Variants in SHANK2 observed in about 807,000 individuals in gnomAD.
SHANK2 encodes SH3 and multiple ankyrin repeat domains 2.
In SHANK2, 43 loss-of-function variants were observed where a neutral mutation model predicts 133.7. That is an observed-to-expected ratio of 0.32 (90% CI 0.25 to 0.41). SHANK2 has a LOEUF of 0.41. Ranked by LOEUF, SHANK2 falls within the 10% of genes least tolerant of loss-of-function variation. The pLI, the probability that SHANK2 is intolerant of heterozygous loss-of-function variation, is 1.00. For synonymous variants in SHANK2, 1,017 were observed against 952.8 expected (o/e 1.07, Z -1.24); for missense variants, 1,994 against 2,235.8 (o/e 0.89, Z 2.18).
intron 11 of SHANK2, among the ~76,000 whole-genome samples, chr11:70,869,441 T>A (rs780952660): frequency 5.9e-5 from 9 of 152,136 alleles, no homozygotes; most frequent in Non-Finnish European, 1.3e-4. Context: ...ACTCCACACA[T>A]CCCATACCAG....
In SHANK2 at chr11:70,830,273, C is replaced by A. The variant is rs1009424101; in HGVS notation, c.1175-9591G>T. Reference sequence around the variant, plus strand: ...CTGCCCCTCGTTTTATGAGCATGTCCGTGGCCTGAAGCCTGCCCTGCCTGC... The same window carrying A: ...CTGCCCCTCGTTTTATGAGCATGTCAGTGGCCTGAAGCCTGCCCTGCCTGC... On this transcript the variant is annotated intron_variant, in intron 11 of 25. Coordinates refer to ENST00000601538, the MANE Select transcript of SHANK2 (RefSeq NM_012309.5). The surrounding 1 kb of genome is among the most constrained non-coding windows in gnomAD (Gnocchi z 4.4). Among the ~76,000 whole-genome samples, 6 of 152,200 alleles carry A rather than the reference C, an allele frequency of 3.9e-5. No individual in the cohort carries two copies. The highest frequency in any genetic ancestry group is 1.4e-4 in the African/African-American group (6 of 41,440).
At chr11:71,092,029 A>G (rs1951527480) in intron 8 of SHANK2, among the ~76,000 whole-genome samples, 1 of 152,098 alleles carries the variant, frequency 6.6e-6, no homozygotes, top group Non-Finnish European at 1.5e-5. Context: ...CCTGGGGCTC[A>G]CCTGTGCTCA....
chr11:70,889,781 A>G (rs1949810773), intron 11 of SHANK2, among the ~76,000 whole-genome samples: 1 of 152,210 alleles, frequency 6.6e-6, no homozygotes, highest in Admixed American at 6.5e-5. Flanking sequence ...AGTCAGGACC[A>G]GGACCAGGAC....
At chr11:71,109,489 C>A (rs950401967) in intron 6 of SHANK2, among the ~76,000 whole-genome samples, 1 of 152,220 alleles carries the variant, frequency 6.6e-6, no homozygotes, top group Non-Finnish European at 1.5e-5. Flanking sequence ...CCCAGAGGCC[C>A]GCACTCATGA....
At chr11:70,853,534 G>T (rs981890410) in intron 11 of SHANK2, among the ~76,000 whole-genome samples, 1 of 152,158 alleles carries the variant, frequency 6.6e-6, no homozygotes, top group East Asian at 1.9e-4. Context: ...CAGCAGGCAG[G>T]GCAAAGGCAA....
intron 17 of SHANK2, among the ~76,000 whole-genome samples, chr11:70,560,483 GTTTTTTT>G (rs61143133): frequency 6.3e-5 from 6 of 95,988 alleles, no homozygotes; most frequent in African/African-American, 8.1e-5. Flanking sequence ...CCCCAGTAGG[GTTTTTTT>G]TTTTTTTTTT....
At chr11:70,724,999 A>G (rs1946150383) in intron 14 of SHANK2, among the ~76,000 whole-genome samples, 1 of 152,258 alleles carries the variant, frequency 6.6e-6, no homozygotes, top group African/African-American at 2.4e-5. Context: ...AAGGAAACCA[A>G]CATTTGCTAA....
rs574132665 is a variant in SHANK2, at chr11:70,663,677, C to T, written c.1854-1999G>A. 3.3e-5 allele frequency among the ~76,000 whole-genome samples: 5 copies of T among 152,286 alleles called. No homozygotes were observed. The East Asian group carries it at 7.7e-4, about 24-fold the overall frequency. ...GGTTCTGGCCCCTGACCTTCCTTACCTTGCCCCCTCCCCAGAGACAGCCTG... is the reference window on the plus strand; with the variant it reads ...GGTTCTGGCCCCTGACCTTCCTTACTTTGCCCCCTCCCCAGAGACAGCCTG... On this transcript the variant is annotated intron_variant, in intron 15 of 25. Coordinates refer to ENST00000601538, the MANE Select transcript of SHANK2 (RefSeq NM_012309.5).
At position 71,092,512 on chromosome 11, in the gene SHANK2, G is replaced by A. The variant is rs533927097; in HGVS notation, c.822C>T (p.Val274=). 34 of 1,551,734 alleles carry A rather than the reference G, an allele frequency of 2.2e-5. No individual in the cohort carries two copies. Among genetic ancestry groups the A allele is most frequent in the African/African-American group, 8.2e-5 (6 of 73,128 alleles). ...GCTCGCAGCAGTAGGGATCACCTCC[G>A]ACGATGGCTGTGTGATACAGCGGGG... ...GLTPLYHTAI[V]GGDPYCCELL... Residue 274 remains valine, a synonymous_variant, in exon 8 of 26, where the codon GTC becomes GTT. Coordinates refer to ENST00000601538, the MANE Select transcript of SHANK2 (RefSeq NM_012309.5).
intron 14 of SHANK2, among the ~76,000 whole-genome samples, chr11:70,711,209 A>C (rs969072583): frequency 6.6e-6 from 1 of 152,188 alleles, no homozygotes; most frequent in African/African-American, 2.4e-5. Context: ...AGCTCCTGCA[A>C]CGTGCAGCCT....
chr11:71,114,442 A>T (rs782477193), intron 4 of SHANK2, among the ~76,000 whole-genome samples: 1 of 151,974 alleles, frequency 6.6e-6, no homozygotes, highest in Non-Finnish European at 1.5e-5. Context: ...CAAATAAACA[A>T]CCCTAGTCTC....
chr11:70,766,606 CA>C (rs1198853969), intron 14 of SHANK2, among the ~76,000 whole-genome samples: 1 of 152,210 alleles, frequency 6.6e-6, no homozygotes, highest in East Asian at 1.9e-4. Flanking sequence ...TAAGCAACCG[CA>C]TCAGGGGTTT....
At chr11:70,896,369 T>C (rs1338498405) in intron 11 of SHANK2, 132 bp downstream of exon 11, 4 of 599,772 alleles carry the variant, frequency 6.7e-6, no homozygotes, top group African/African-American at 5.6e-5. Flanking sequence ...AATGGGCTAA[T>C]ACTATGTTAA....
At chr11:71,089,237 C>T (rs879112431) in intron 8 of SHANK2, among the ~76,000 whole-genome samples, 19,310 of 152,166 alleles carry the variant, frequency 0.13, 1,380 homozygotes, top group Non-Finnish European at 0.16. Flanking sequence ...GCCATGCAGA[C>T]GGGCTTGGCC....
intron 17 of SHANK2, among the ~76,000 whole-genome samples, chr11:70,615,935 C>A (rs1189406264): frequency 2.6e-5 from 4 of 152,182 alleles, no homozygotes; most frequent in African/African-American, 9.7e-5. Flanking sequence ...TGGGCACCAG[C>A]ATTTACTGGG....
chr11:70,840,543 G>T (rs1177758502), intron 11 of SHANK2, among the ~76,000 whole-genome samples: 2 of 152,222 alleles, frequency 1.3e-5, no homozygotes, highest in African/African-American at 4.8e-5. Context: ...TGGGATTCTA[G>T]GGGCATTAAC....
intron 8 of SHANK2, among the ~76,000 whole-genome samples, chr11:71,084,474 T>C (rs999775520): frequency 1.1e-4 from 16 of 152,328 alleles, no homozygotes; most frequent in Admixed American, 1.3e-4. Flanking sequence ...CTGCAGCATC[T>C]GTGAGCAGGC....
At chr11:71,117,100 A>G (rs1341283327) in intron 4 of SHANK2, among the ~76,000 whole-genome samples, 7 of 151,906 alleles carry the variant, frequency 4.6e-5, no homozygotes, top group Non-Finnish European at 8.8e-5. Flanking sequence ...GCTCACTGCA[A>G]CCTCCACCTC....
chr11:70,581,470 C>A (rs1445097153), intron 17 of SHANK2, among the ~76,000 whole-genome samples: 1 of 152,164 alleles, frequency 6.6e-6, no homozygotes, highest in Non-Finnish European at 1.5e-5. Context: ...GATGGCAGAT[C>A]ACTCGAGGTT....
Sources: gnomAD v4.1 joint callset for allele counts (sites outside exome capture counted in the v4.1 genomes callset) on GRCh38, gnomAD v4.1.1 for gene constraint, Gnocchi (gnomAD v3.1) non-coding constraint, MANE v1.5 for transcripts, NCBI Gene and HGNC (gene_info 2026-07-23, HGNC 2026-07-21) for gene names.